ENTREP2: variants seen among roughly 807,000 people sequenced by gnomAD.
ENTREP2 encodes the protein endosomal transmembrane epsin interactor 2, also known as protein ENTREP2.
At chr15:29,536,161 T>A in the ENTREP2 span, among the ~76,000 whole-genome samples, 1 of 152,210 alleles carries the variant, frequency 6.6e-6, no homozygotes, top group African/African-American at 2.4e-5. Flanking sequence ...GACTTAGGTC[T>A]GACCACTGAG....
chr15:29,504,431 A>T, the ENTREP2 span, among the ~76,000 whole-genome samples: 1 of 152,246 alleles, frequency 6.6e-6, no homozygotes, highest in Non-Finnish European at 1.5e-5. Flanking sequence ...ACATGCACAC[A>T]AGTACTACAT....
chr15:29,135,507 ACT>A, the ENTREP2 span, among the ~76,000 whole-genome samples: 1 of 152,032 alleles, frequency 6.6e-6, no homozygotes, highest in Non-Finnish European at 1.5e-5. This position sits in a 1 kb window ranked among gnomAD's most constrained non-coding sequence, Gnocchi z 7.4. Flanking sequence ...AGCATTCCAC[ACT>A]GAGTCATGAC....
chr15:29,294,029 A>G, the ENTREP2 span, among the ~76,000 whole-genome samples: 1 of 152,152 alleles, frequency 6.6e-6, no homozygotes, highest in African/African-American at 2.4e-5. Context: ...GTCACTGCCA[A>G]GGAATCTTGC....
chr15:29,402,265 T>TATATATATATATATATACATAC, the ENTREP2 span, among the ~76,000 whole-genome samples: 1 of 137,792 alleles, frequency 7.3e-6, no homozygotes. Context: ...TATATATATA[T>TATATATATATATATATACATAC]ACACACACAT....
the ENTREP2 span, among the ~76,000 whole-genome samples, chr15:29,450,025 G>A: frequency 6.6e-6 from 1 of 152,074 alleles, no homozygotes; most frequent in African/African-American, 2.4e-5. Context: ...TTTTTCATAG[G>A]CTTGTTGACT....
At chr15:29,476,121 T>A in the ENTREP2 span, among the ~76,000 whole-genome samples, 2 of 152,334 alleles carry the variant, frequency 1.3e-5, no homozygotes, top group African/African-American at 4.8e-5. Flanking sequence ...ATTATACTCT[T>A]CAAAAGGAAA....
chr15:29,675,020 C>T, the ENTREP2 span: 2 of 153,248 alleles, frequency 1.3e-5, no homozygotes, highest in African/African-American at 2.4e-5. Context: ...GGGGCCTGGG[C>T]GCGCCTGCCC....
the ENTREP2 span, among the ~76,000 whole-genome samples, chr15:29,399,725 A>C: frequency 6.6e-6 from 1 of 152,274 alleles, no homozygotes; most frequent in Non-Finnish European, 1.5e-5. Flanking sequence ...TCAGATAAAC[A>C]GTTGATTAAC....
chr15:29,424,863 T>C, the ENTREP2 span, among the ~76,000 whole-genome samples: 6 of 152,228 alleles, frequency 3.9e-5, no homozygotes, highest in Non-Finnish European at 7.3e-5. Context: ...AGCCTTATCA[T>C]GTCTGTGTCT....
the ENTREP2 span, among the ~76,000 whole-genome samples, chr15:29,288,441 C>T: frequency 6.6e-6 from 1 of 152,196 alleles, no homozygotes; most frequent in African/African-American, 2.4e-5. Flanking sequence ...GCTGTTCTCT[C>T]TGCCTGGAAA....
At chr15:29,308,039 C>T in the ENTREP2 span, among the ~76,000 whole-genome samples, 1 of 152,114 alleles carries the variant, frequency 6.6e-6, no homozygotes, top group East Asian at 1.9e-4. Flanking sequence ...TTATATATTT[C>T]TATGATTTTT....
the ENTREP2 span, among the ~76,000 whole-genome samples, chr15:29,508,643 CA>C: frequency 6.6e-6 from 1 of 151,386 alleles, no homozygotes; most frequent in African/African-American, 2.4e-5. Context: ...GAAGCAATGA[CA>C]AAAACGACAT....
At chr15:29,582,747 G>T in the ENTREP2 span, among the ~76,000 whole-genome samples, 18,860 of 152,002 alleles carry the variant, frequency 0.12, 2,091 homozygotes, top group East Asian at 0.47. Flanking sequence ...TGCCTCCCAG[G>T]TTCAAGCGAT....
the ENTREP2 span, among the ~76,000 whole-genome samples, chr15:29,203,062 C>G: frequency 1.3e-5 from 2 of 152,190 alleles, no homozygotes; most frequent in Admixed American, 1.3e-4. Flanking sequence ...AATTGCCACA[C>G]TGTCTTCCAC....
At chr15:29,627,331 TCAAGA>T in the ENTREP2 span, among the ~76,000 whole-genome samples, 2 of 151,758 alleles carry the variant, frequency 1.3e-5, no homozygotes, top group African/African-American at 4.8e-5. Flanking sequence ...GATCACGAGG[TCAAGA>T]CATCAAGACC....
At chr15:29,334,272 A>G in the ENTREP2 span, among the ~76,000 whole-genome samples, 1 of 152,122 alleles carries the variant, frequency 6.6e-6, no homozygotes, top group African/African-American at 2.4e-5. Flanking sequence ...CTGTTGTCAC[A>G]CTTCAAGGTC....
At chr15:29,205,814 G>T in the ENTREP2 span, among the ~76,000 whole-genome samples, 3 of 152,206 alleles carry the variant, frequency 2.0e-5, no homozygotes, top group African/African-American at 4.8e-5. Context: ...TCAACTTTTT[G>T]AATACTTGTA....
chr15:29,467,952 C>A, the ENTREP2 span, among the ~76,000 whole-genome samples: 4 of 152,198 alleles, frequency 2.6e-5, no homozygotes, highest in South Asian at 2.1e-4. Flanking sequence ...CCTGAAGCCT[C>A]TTCTGATTGT....
At chr15:29,265,432 A>T in the ENTREP2 span, 1 of 152,240 alleles carries the variant, frequency 6.6e-6, no homozygotes, top group African/African-American at 2.4e-5. Flanking sequence ...TAAAGTCAGG[A>T]GTTTGAGACC....
Sources: allele counts gnomAD v4.1 joint callset (sites outside exome capture counted in the v4.1 genomes callset), GRCh38; gene constraint gnomAD v4.1.1; non-coding constraint Gnocchi (gnomAD v3.1); transcripts MANE v1.5; gene names NCBI Gene and HGNC (gene_info 2026-07-23, HGNC 2026-07-21).